Variants in MARCHF1 observed in about 807,000 individuals in gnomAD.
MARCHF1 encodes the protein E3 ubiquitin-protein ligase MARCHF1.
MARCHF1 carries 40 observed loss-of-function variants against 54.2 expected under a neutral mutation model. The ratio of observed to expected loss-of-function variants is 0.74; its 90% CI spans 0.57 to 0.96. The LOEUF is 0.96. Ranked by LOEUF, MARCHF1 falls within the 40% of genes least tolerant of loss-of-function variation. The pLI, the probability that MARCHF1 is intolerant of heterozygous loss-of-function variation, is 0.00. For missense variants in MARCHF1, 586 were observed against 656.5 expected, an observed-to-expected ratio of 0.89 and a Z score of 1.17; for synonymous variants, 236 against 236.3, an observed-to-expected ratio of 1.00 and a Z score of 0.01.
intron 1 of MARCHF1, among the ~76,000 whole-genome samples, chr4:164,187,028 T>TC (rs1378497632): frequency 6.7e-6 from 1 of 148,874 alleles, no homozygotes; most frequent in Non-Finnish European, 1.5e-5. Context: ...GAAGCAATCT[T>TC]TTTTTTTTTT....
intron 3 of MARCHF1, among the ~76,000 whole-genome samples, chr4:163,914,832 T>C (rs1751271951): frequency 6.6e-6 from 1 of 152,184 alleles, no homozygotes; most frequent in South Asian, 2.1e-4. Flanking sequence ...ACATATTTTC[T>C]GGAGATTGAA....
intron 3 of MARCHF1, among the ~76,000 whole-genome samples, chr4:163,915,707 A>G (rs1256393382): frequency 6.6e-6 from 1 of 152,126 alleles, no homozygotes; most frequent in African/African-American, 2.4e-5. Context: ...CTATAAACCT[A>G]AAACAATTCT....
intron 1 of MARCHF1, among the ~76,000 whole-genome samples, chr4:164,244,730 AAGAG>A (rs1006811089): frequency 1.6e-4 from 24 of 152,270 alleles, no homozygotes; most frequent in African/African-American, 5.3e-4. Context: ...TAAAGAAAAA[AAGAG>A]AGAAGAATCA....
intron 1 of MARCHF1, among the ~76,000 whole-genome samples, chr4:164,369,586 A>C (rs1730976559): frequency 6.6e-6 from 1 of 152,124 alleles, no homozygotes; most frequent in Admixed American, 6.5e-5. Context: ...TCGAAAAAAA[A>C]GTACATATAT....
intron 5 of MARCHF1, among the ~76,000 whole-genome samples, chr4:163,641,357 G>C (rs1433328134): frequency 6.6e-6 from 1 of 152,012 alleles, no homozygotes; most frequent in Non-Finnish European, 1.5e-5. Flanking sequence ...CTGTAATTTA[G>C]TTATTATGAC....
Position 163,978,504 on chromosome 4 carries a change from A to G in MARCHF1, c.-39+9997T>C, listed in dbSNP as rs1050796061. Among the ~76,000 whole-genome samples, 3 of 152,152 alleles carry G rather than the reference A, an allele frequency of 2.0e-5. No homozygotes were observed. The East Asian group carries it at 5.8e-4, about 29-fold the overall frequency. ...CTCATAACTTTATGAGGTAGTTCTC[A>G]TACTTGTCATTATTTTATATATGAG... On this transcript the variant is annotated intron_variant, in intron 3 of 9. Transcript: ENST00000514618.
At chr4:163,640,477 G>A (rs1400083085) in intron 5 of MARCHF1, among the ~76,000 whole-genome samples, 1 of 152,140 alleles carries the variant, frequency 6.6e-6, no homozygotes, top group Non-Finnish European at 1.5e-5. Context: ...AGGGCTAAGA[G>A]CTATCAGAAG....
chr4:163,756,355 A>G (rs1283112674), intron 4 of MARCHF1, among the ~76,000 whole-genome samples: 4 of 152,058 alleles, frequency 2.6e-5, no homozygotes, highest in Admixed American at 2.0e-4. Context: ...AAGGCCAGGC[A>G]TGGTGGCTCA....
intron 4 of MARCHF1, among the ~76,000 whole-genome samples, chr4:163,843,915 C>CT (rs1188152170): frequency 6.6e-6 from 1 of 151,340 alleles, no homozygotes; most frequent in East Asian, 1.9e-4. Context: ...TGTTGGATGC[C>CT]TGTATGTCTT....
chr4:163,576,739 C>T lies in MARCHF1; in HGVS notation c.1191+9010G>A, dbSNP rs552733476. 1.1e-4 allele frequency among the ~76,000 whole-genome samples: 16 copies of T among 151,818 alleles called. No homozygotes were observed. In the South Asian group the frequency reaches 2.9e-3, roughly 28 times the overall value. On this transcript the variant is annotated intron_variant, in intron 8 of 9. Transcript: ENST00000514618. ...AATCTGGGTGCTTCAATGTTGGGAACGTATATATTTAGGATGGTTAAATCT... is the reference window on the plus strand; with the variant it reads ...AATCTGGGTGCTTCAATGTTGGGAATGTATATATTTAGGATGGTTAAATCT...
At chr4:163,989,286 T>TGAGA (rs35987221) in intron 2 of MARCHF1, among the ~76,000 whole-genome samples, 38 of 144,896 alleles carry the variant, frequency 2.6e-4, no homozygotes, top group Non-Finnish European at 3.3e-4. Flanking sequence ...AATGAGGTGT[T>TGAGA]GAGAGAGAGA....
At chr4:164,377,198 G>A (rs962788731) in intron 1 of MARCHF1, among the ~76,000 whole-genome samples, 2 of 148,940 alleles carry the variant, frequency 1.3e-5, no homozygotes, top group African/African-American at 4.9e-5. Context: ...TCCGTCACCA[G>A]GCAGACTTAA....
At chr4:164,165,475 C>T (rs184513348) in intron 1 of MARCHF1, among the ~76,000 whole-genome samples, 25 of 151,964 alleles carry the variant, frequency 1.6e-4, no homozygotes, top group African/African-American at 5.5e-4. Flanking sequence ...ACAACCAAGC[C>T]GTGCTGGCAC....
chr4:163,700,517 G>A (rs1744775106), intron 5 of MARCHF1, among the ~76,000 whole-genome samples: 1 of 128,874 alleles, frequency 7.8e-6, no homozygotes, highest in Non-Finnish European at 1.6e-5. Context: ...AAGATAGATA[G>A]AAAGAAAGAA....
chr4:164,305,087 C>T (rs983548491), intron 1 of MARCHF1, among the ~76,000 whole-genome samples: 10 of 152,108 alleles, frequency 6.6e-5, no homozygotes, highest in African/African-American at 1.9e-4. Flanking sequence ...TCTAGTCACA[C>T]CTTTATTTAC....
intron 9 of MARCHF1, among the ~76,000 whole-genome samples, chr4:163,545,058 AC>A: frequency 6.6e-6 from 1 of 152,214 alleles, no homozygotes; most frequent in East Asian, 1.9e-4. Context: ...TGATTTAGAA[AC>A]ATTTTTCTTT....
intron 4 of MARCHF1, among the ~76,000 whole-genome samples, chr4:163,746,341 T>G (rs1321215868): frequency 1.3e-5 from 2 of 152,214 alleles, no homozygotes; most frequent in Non-Finnish European, 2.9e-5. Flanking sequence ...GCTTGAGAGC[T>G]CATTCTTTTT....
intron 9 of MARCHF1, chr4:163,530,336 A>C (rs2110859179): frequency 1.3e-5 from 2 of 152,110 alleles, no homozygotes; most frequent in South Asian, 4.1e-4. Flanking sequence ...GATCTTTCTG[A>C]ATATGATCAT....
intron 2 of MARCHF1, among the ~76,000 whole-genome samples, chr4:164,089,046 G>T (rs1410009653): frequency 1.3e-5 from 2 of 152,076 alleles, no homozygotes; most frequent in Non-Finnish European, 2.9e-5. Flanking sequence ...CTAAGATTTA[G>T]CTGAGAGCTT....
Sources: gnomAD v4.1 joint callset for allele counts (sites outside exome capture counted in the v4.1 genomes callset) on GRCh38, gnomAD v4.1.1 for gene constraint, MANE v1.5 for transcripts, NCBI Gene and HGNC (gene_info 2026-07-23, HGNC 2026-07-21) for gene names.